Variants in CFI observed in about 807,000 individuals in gnomAD.
CFI encodes C3B/C4B inactivator.
In CFI, 66 loss-of-function variants were observed where a neutral mutation model predicts 78.8. The ratio of observed to expected loss-of-function variants is 0.84; its 90% confidence interval spans 0.69 to 1.03. CFI has a LOEUF of 1.03. Among genes scored for constraint, CFI ranks in the 50% least tolerant of loss-of-function variants. The probability of loss-of-function intolerance (pLI) is 0.00; values close to 1 mark genes in which losing one functional copy is unlikely to be tolerated. For missense variants in CFI, 706 were observed against 704.5 expected (o/e 1.00, Z -0.02); for synonymous variants, 250 against 232.6 (o/e 1.07, Z -0.68).
intron 1 of CFI, among the ~76,000 whole-genome samples, chr4:109,800,321 G>GTGT (rs1177703893): frequency 2.3e-4 from 11 of 48,776 alleles, no homozygotes; most frequent in African/African-American, 8.6e-4. Flanking sequence ...TGGCTTCTCT[G>GTGT]TTTTTTTTTT....
chr4:109,734,114 G>A, the CFI span, among the ~76,000 whole-genome samples: 46 of 152,326 alleles, frequency 3.0e-4, no homozygotes, highest in Admixed American at 5.9e-4. Flanking sequence ...AGAGGTTGCA[G>A]AGAGCCAAGA....
chr4:109,749,200 A>C lies in CFI; in HGVS notation c.1148+18T>G, dbSNP rs1724831353. ...CATTGTTTCGGGAAATCTAAAATTTACTGAAGACATCTTTTACCTGAGACA... is the reference window on the plus strand; with the variant it reads ...CATTGTTTCGGGAAATCTAAAATTTCCTGAAGACATCTTTTACCTGAGACA... On this transcript the variant is annotated intron_variant, in intron 10 of 12. Coordinates refer to ENST00000394634, the MANE Select transcript of CFI (RefSeq NM_000204.5). 6.3e-7 allele frequency: 1 copy of C among 1,594,070 alleles called. No homozygotes were observed. Among genetic ancestry groups the C allele is most frequent in the Admixed American group, 1.7e-5 (1 of 60,002 alleles).
intron 1 of CFI, chr4:109,794,156 G>A (rs1159758599): frequency 6.6e-6 from 1 of 152,084 alleles, no homozygotes; most frequent in African/African-American, 2.4e-5. Flanking sequence ...TGAGCTTTTT[G>A]AATGTGGACA....
intron 1 of CFI, among the ~76,000 whole-genome samples, chr4:109,770,135 C>T (rs757222133): frequency 2.0e-5 from 3 of 152,118 alleles, no homozygotes; most frequent in Non-Finnish European, 4.4e-5. Context: ...GCACCAAGCC[C>T]CAAAGACCAA....
At position 109,761,428 on chromosome 4, in the gene CFI, C is replaced by T. The variant is rs960782835; in HGVS notation, c.658+89G>A. On this transcript the variant is annotated intron_variant, in intron 4 of 12. Coordinates refer to ENST00000394634, the MANE Select transcript of CFI (RefSeq NM_000204.5). ...ATATTATTGCCTCTGTGACTGGCAA[C>T]GAGGCATCAATCATTTGTTTACTAT... 56 of 1,257,504 alleles carry T rather than the reference C, an allele frequency of 4.5e-5. 1 individual carries two copies. The highest frequency in any genetic ancestry group is 1.9e-4 in the Middle Eastern group (1 of 5,380). 77.9% of individuals were successfully genotyped at this position (1,257,504 alleles called of 1,614,324 possible).
chr4:109,734,025 A>G, the CFI span, among the ~76,000 whole-genome samples: 1 of 152,134 alleles, frequency 6.6e-6, no homozygotes, highest in Non-Finnish European at 1.5e-5. Flanking sequence ...TACAAAAATT[A>G]GCCAGGCATG....
rs1450881032 is a variant in CFI, at chr4:109,746,359, G to A, written c.1292C>T (p.Ala431Val). The A allele has an allele frequency of 6.2e-7, 1 of 1,614,130 alleles. No individual in the cohort carries two copies. Among genetic ancestry groups the A allele is most frequent in the Admixed American group, 1.7e-5 (1 of 60,012 alleles). ...YNAGTYQNDIALIEMKKDGNK... is the reference protein window; with the variant it reads ...YNAGTYQNDIVLIEMKKDGNK... ...TCCGTCTTTTTTCATTTCAATCAAA[G>A]CGATGTCATTTTGGTAAGTGCCTGC... Residue 431 changes from alanine (A) to valine (V), a missense_variant, in exon 11 of 13, where the codon GCT (alanine) becomes GTT (valine). By Grantham distance (64) the Ala-to-Val change is moderately conservative. Transcript: ENST00000394634.
intron 2 of CFI, among the ~76,000 whole-genome samples, chr4:109,766,224 GT>G (rs1727733563): frequency 2.0e-5 from 3 of 152,056 alleles, no homozygotes; most frequent in Admixed American, 2.0e-4. Flanking sequence ...TTTTCACTGG[GT>G]TCTGAACCAA....
At chr4:109,736,969 A>G (rs1723407856), downstream of CFI, among the ~76,000 whole-genome samples, 1 of 152,118 alleles carries the variant, frequency 6.6e-6, no homozygotes, top group Non-Finnish European at 1.5e-5. Flanking sequence ...GAATTATCCT[A>G]GTCTCAAATC....
intron 1 of CFI, among the ~76,000 whole-genome samples, chr4:109,772,015 T>C (rs1728667922): frequency 6.6e-6 from 1 of 152,234 alleles, no homozygotes; most frequent in Non-Finnish European, 1.5e-5. Context: ...AGCAGTTTGC[T>C]ATACTTATAA....
intron 1 of CFI, among the ~76,000 whole-genome samples, chr4:109,797,624 C>T (rs1331621678): frequency 6.6e-6 from 1 of 152,174 alleles, no homozygotes; most frequent in East Asian, 1.9e-4. Flanking sequence ...GAAAAGACAA[C>T]ATATACAATG....
intron 1 of CFI, among the ~76,000 whole-genome samples, chr4:109,778,531 C>T (rs1326006292): frequency 6.6e-6 from 1 of 152,156 alleles, no homozygotes; most frequent in Non-Finnish European, 1.5e-5. Flanking sequence ...GACAGATTCA[C>T]AGCCAAATTC....
downstream of CFI, among the ~76,000 whole-genome samples, chr4:109,738,687 C>T (rs894950699): frequency 3.9e-5 from 6 of 152,114 alleles, no homozygotes; most frequent in African/African-American, 1.4e-4. Context: ...AGTCTGGTGC[C>T]CCCGGCCCTG....
At chr4:109,771,105 A>G (rs749276913) in intron 1 of CFI, among the ~76,000 whole-genome samples, 4 of 152,054 alleles carry the variant, frequency 2.6e-5, no homozygotes, top group African/African-American at 4.8e-5. Context: ...GAAGTAGAAG[A>G]TTAGGGCCAG....
chr4:109,763,132 A>G (rs2126218642), intron 3 of CFI, among the ~76,000 whole-genome samples: 1 of 152,288 alleles, frequency 6.6e-6, no homozygotes, highest in Non-Finnish European at 1.5e-5. Flanking sequence ...CATGAAGTAA[A>G]TCTGAGTAAG....
At position 109,760,388 on chromosome 4, in the gene CFI, A is replaced by T; in HGVS notation, c.773-8T>A. On this transcript the variant is annotated splice_region_variant and splice_polypyrimidine_tract_variant and intron_variant, in intron 5 of 12. Coordinates refer to ENST00000394634, the MANE Select transcript of CFI (RefSeq NM_000204.5). ...AGCCTTTGCCTTGGCATGCTGTGCA[A>T]ACATAAGCAGGAGAGGTTTTTTTCA... 1 of 1,608,032 alleles carries T rather than the reference A, an allele frequency of 6.2e-7. No homozygotes were observed. The highest frequency in any genetic ancestry group is 8.5e-7 in the Non-Finnish European group (1 of 1,174,504).
chr4:109,762,508 T>C (rs1727217895), intron 3 of CFI: 1 of 152,190 alleles, frequency 6.6e-6, no homozygotes, highest in Admixed American at 6.5e-5. Flanking sequence ...TCTAGGACAT[T>C]CAATTGTTCC....
intron 1 of CFI, among the ~76,000 whole-genome samples, chr4:109,780,834 C>A (rs1274545337): frequency 1.3e-5 from 2 of 152,098 alleles, no homozygotes; most frequent in Non-Finnish European, 2.9e-5. Flanking sequence ...TTGATGAGTT[C>A]ATGTCCTTTG....
At chr4:109,779,857 A>G (rs1163734158) in intron 1 of CFI, among the ~76,000 whole-genome samples, 1 of 152,188 alleles carries the variant, frequency 6.6e-6, no homozygotes, top group East Asian at 1.9e-4. Flanking sequence ...GATCTTTGAC[A>G]AACCTGACAA....
Sources: gnomAD v4.1 joint callset for allele counts (sites outside exome capture counted in the v4.1 genomes callset) on GRCh38, gnomAD v4.1.1 for gene constraint, MANE v1.5 for transcripts, NCBI Gene and HGNC (gene_info 2026-07-23, HGNC 2026-07-21) for gene names.